NKAIN2: variants seen among roughly 807,000 people sequenced by gnomAD.
NKAIN2 encodes the protein sodium/potassium-transporting ATPase subunit beta-1-interacting protein 2.
A neutral mutation model predicts 32.6 loss-of-function variants in NKAIN2; 14 were observed. That is an observed-to-expected ratio of 0.43 (90% CI 0.28 to 0.67). The LOEUF (loss-of-function observed/expected upper bound fraction) is 0.67, where lower values mean the gene tolerates loss of function less well. Among genes scored for constraint, NKAIN2 ranks in the 30% least tolerant of loss-of-function variants. The probability of loss-of-function intolerance (pLI) is 0.17; values close to 1 mark genes in which losing one functional copy is unlikely to be tolerated. For missense variants in NKAIN2, 198 were observed against 258.3 expected (o/e 0.77, Z 1.60); for synonymous variants, 80 against 87.2 (o/e 0.92, Z 0.46).
Position 123,958,951 on chromosome 6 carries a change from G to T in NKAIN2, c.54+154697G>T, listed in dbSNP as rs186946324. Among the ~76,000 whole-genome samples the T allele has an allele frequency of 8.3e-3, 1,260 of 152,246 alleles. 12 individuals are homozygous for T. The highest frequency in any genetic ancestry group is 0.017 in the Middle Eastern group (5 of 294). On this transcript the variant is annotated intron_variant, in intron 1 of 6. Coordinates refer to ENST00000368417, the MANE Select transcript of NKAIN2 (RefSeq NM_001040214.3). ...GTTTCCTTGGCAATTATAGGCCATT[G>T]GTAGCTTACATTATTGAGGACTTTT...
At chr6:124,025,900 CT>C (rs987701375) in intron 1 of NKAIN2, among the ~76,000 whole-genome samples, 4 of 152,132 alleles carry the variant, frequency 2.6e-5, no homozygotes, top group Non-Finnish European at 4.4e-5. Flanking sequence ...CCTTTCTCCC[CT>C]GAAACAAGTT....
chr6:124,376,157 T>C (rs564958623), intron 3 of NKAIN2, among the ~76,000 whole-genome samples: 3 of 152,244 alleles, frequency 2.0e-5, no homozygotes, highest in Non-Finnish European at 4.4e-5. Context: ...AAATTACAAA[T>C]GCACAACTCT....
At position 123,864,802 on chromosome 6, in the gene NKAIN2, C is replaced by T. The variant is rs552881086; in HGVS notation, c.54+60548C>T. On this transcript the variant is annotated intron_variant, in intron 1 of 6. Transcript: ENST00000368417. The stretch of plus-strand genomic sequence containing the variant: ...CTATTCAAGTGTTCTATATTTGCCT[C>T]TAAAGCTAAAAAGTGTGCTAACTGA... 1.1e-4 allele frequency among the ~76,000 whole-genome samples: 17 copies of T among 152,238 alleles called. 2 individuals carry two copies. The East Asian group carries it at 3.3e-3, about 29-fold the overall frequency.
chr6:124,554,512 C>T (rs1780403878), intron 3 of NKAIN2, among the ~76,000 whole-genome samples: 1 of 152,216 alleles, frequency 6.6e-6, no homozygotes, highest in Admixed American at 6.5e-5. Flanking sequence ...AGCATTTCTT[C>T]CACCGGAAAT....
intron 1 of NKAIN2, among the ~76,000 whole-genome samples, chr6:124,136,930 T>C (rs1013904922): frequency 2.6e-5 from 4 of 152,040 alleles, no homozygotes; most frequent in African/African-American, 9.7e-5. Context: ...ATTGAAAGTA[T>C]TCCCCCCTGA....
intron 4 of NKAIN2, among the ~76,000 whole-genome samples, chr6:124,745,843 C>T (rs150304512): frequency 6.1e-4 from 93 of 151,898 alleles, no homozygotes; most frequent in African/African-American, 2.2e-3. Flanking sequence ...AAAATAACAA[C>T]AATAAATATG....
At chr6:124,349,500 CATTA>C (rs1313525716) in intron 2 of NKAIN2, among the ~76,000 whole-genome samples, 9 of 152,178 alleles carry the variant, frequency 5.9e-5, no homozygotes, top group South Asian at 4.1e-4. Flanking sequence ...CTATAGATTG[CATTA>C]ATTGTCAATC....
intron 3 of NKAIN2, among the ~76,000 whole-genome samples, chr6:124,445,503 T>A (rs535624221): frequency 1.1e-4 from 16 of 152,182 alleles, no homozygotes; most frequent in African/African-American, 2.9e-4. Context: ...ACAAAAAAAA[T>A]TCAAAATAAT....
chr6:124,594,411 A>G (rs975936923), intron 3 of NKAIN2, among the ~76,000 whole-genome samples: 1 of 152,206 alleles, frequency 6.6e-6, no homozygotes, highest in Non-Finnish European at 1.5e-5. Context: ...AGAGTTGAAA[A>G]AAGGAGGGAA....
intron 1 of NKAIN2, among the ~76,000 whole-genome samples, chr6:124,262,374 A>G (rs1582947432): frequency 6.6e-6 from 1 of 152,202 alleles, no homozygotes; most frequent in Non-Finnish European, 1.5e-5. Context: ...AGATTTAGAC[A>G]GCACAGGGAA....
chr6:124,731,304 T>A (rs1300807413), intron 4 of NKAIN2, among the ~76,000 whole-genome samples: 75 of 151,046 alleles, frequency 5.0e-4, no homozygotes, highest in African/African-American at 1.7e-3. Context: ...AAGACTTGGA[T>A]CCAACCCAAA....
intron 3 of NKAIN2, among the ~76,000 whole-genome samples, chr6:124,651,169 A>G (rs780767467): frequency 5.3e-5 from 8 of 150,648 alleles, no homozygotes; most frequent in Non-Finnish European, 1.0e-4. Context: ...TCTTTTTAGT[A>G]CACTGAGGTA....
chr6:124,519,006 A>AGGATGGACTTGCC (rs1412856200), intron 3 of NKAIN2, among the ~76,000 whole-genome samples: 2 of 152,236 alleles, frequency 1.3e-5, no homozygotes, highest in Non-Finnish European at 2.9e-5. Flanking sequence ...TACAAGAACC[A>AGGATGGACTTGCC]GGATGGACTT....
intron 3 of NKAIN2, among the ~76,000 whole-genome samples, chr6:124,456,839 C>T (rs1776341671): frequency 6.6e-6 from 1 of 151,596 alleles, no homozygotes; most frequent in Admixed American, 6.6e-5. Flanking sequence ...AAGAAATGCC[C>T]TCTCTACTTA....
chr6:124,464,309 G>A (rs1349336477), intron 3 of NKAIN2, among the ~76,000 whole-genome samples: 1 of 151,978 alleles, frequency 6.6e-6, no homozygotes, highest in Admixed American at 6.6e-5. Flanking sequence ...GATGGTTTCA[G>A]AGTCCTTAAC....
In NKAIN2 at chr6:124,404,272, G is replaced by A. The variant is rs867288711; in HGVS notation, c.273+48925G>A. Among the ~76,000 whole-genome samples the A allele has an allele frequency of 7.9e-5, 12 of 152,180 alleles. No individual in the cohort carries two copies. In the South Asian group the frequency reaches 1.9e-3, roughly 24 times the overall value. The stretch of plus-strand genomic sequence containing the variant: ...CTACTTCTGATTAACTGTTATTCTC[G>A]TGGAGGGGGAGTCGTCTCAGGTCCC... On this transcript the variant is annotated intron_variant, in intron 3 of 6. Transcript: ENST00000368417.
At chr6:124,612,481 T>G (rs1478635111) in intron 3 of NKAIN2, among the ~76,000 whole-genome samples, 1 of 152,184 alleles carries the variant, frequency 6.6e-6, no homozygotes, top group Non-Finnish European at 1.5e-5. Context: ...GTTACTAGCC[T>G]GAAGAATACA....
chr6:123,849,977 T>TAAC (rs1775260473), intron 1 of NKAIN2, among the ~76,000 whole-genome samples: 2 of 128,902 alleles, frequency 1.6e-5, no homozygotes, highest in Admixed American at 8.4e-5. Context: ...TTTGTTTTTT[T>TAAC]TTTAACTTTC....
chr6:124,360,682 A>T (rs1436339940), intron 3 of NKAIN2, among the ~76,000 whole-genome samples: 1 of 152,188 alleles, frequency 6.6e-6, no homozygotes, highest in East Asian at 1.9e-4. Context: ...AATATAGTAT[A>T]AAATGATACA....
Sources: allele counts gnomAD v4.1 joint callset (sites outside exome capture counted in the v4.1 genomes callset), GRCh38; gene constraint gnomAD v4.1.1; transcripts MANE v1.5; gene names NCBI Gene and HGNC (gene_info 2026-07-23, HGNC 2026-07-21).